MCF2L: variants seen among roughly 807,000 people sequenced by gnomAD.
The protein encoded by MCF2L is MCF.2 cell line derived transforming sequence like.
In MCF2L, 97 loss-of-function variants were observed where a neutral mutation model predicts 153.4. The ratio of observed to expected loss-of-function variants is 0.63; its 90% CI spans 0.54 to 0.75. MCF2L has a LOEUF of 0.75. MCF2L is among the 30% of genes least tolerant of loss of function. MCF2L has a pLI of 0.00. For missense variants in MCF2L, 1,347 were observed against 1,495.2 expected, an observed-to-expected ratio of 0.90 and a Z score of 1.64; for synonymous variants, 659 against 632.2, an observed-to-expected ratio of 1.04 and a Z score of -0.64.
At chr13:112,976,177 TGTGTGTGTGTGTGC>T (rs1201425348) in intron 1 of MCF2L, among the ~76,000 whole-genome samples, 3 of 137,282 alleles carry the variant, frequency 2.2e-5, no homozygotes, top group Non-Finnish European at 4.8e-5. Context: ...TGTGTGTGTA[TGTGTGTGTGTGTGC>T]GTGTGTGTGT....
Position 113,055,385 on chromosome 13 carries a change from CACACACACA to C in MCF2L, c.370-5207_370-5199del, listed in dbSNP as rs1566811496. 1.2e-3 allele frequency among the ~76,000 whole-genome samples: 11 copies of C among 8,930 alleles called. 2 individuals carry two copies. The highest frequency in any genetic ancestry group is 2.8e-3 in the Non-Finnish European group (11 of 3,906). The allele number at this position is 8,930 out of a possible 152,430, so 5.9% of individuals were successfully genotyped here. The stretch of plus-strand genomic sequence containing the variant: ...GAGACGTGGACCCCCCCCCCCGCCA[CACACACACA>C]CACACACACACACACACACACACAC... On this transcript the variant is annotated intron_variant, in intron 4 of 29. Transcript: ENST00000535094.
At chr13:112,989,320 A>T (rs111754252) in intron 1 of MCF2L, among the ~76,000 whole-genome samples, 2 of 54,466 alleles carry the variant, frequency 3.7e-5, no homozygotes, top group South Asian at 5.8e-4. Context: ...AGGGGATGGA[A>T]CTACCACGCC....
intron 2 of MCF2L, among the ~76,000 whole-genome samples, chr13:112,935,026 C>A (rs1219590042): frequency 6.6e-6 from 1 of 152,008 alleles, no homozygotes; most frequent in African/African-American, 2.4e-5. Context: ...GAATTGTGTC[C>A]CCTTAAAATT....
chr13:112,973,176 C>A (rs923555279), intron 1 of MCF2L, among the ~76,000 whole-genome samples: 2 of 152,146 alleles, frequency 1.3e-5, no homozygotes, highest in African/African-American at 2.4e-5. Context: ...CTGACGGACG[C>A]CTTAGCACTC....
intron 1 of MCF2L, among the ~76,000 whole-genome samples, chr13:112,980,874 C>A (rs994819027): frequency 6.6e-6 from 1 of 152,212 alleles, no homozygotes. Context: ...GGGTGTCCAG[C>A]GCTCCATTCA....
chr13:112,931,733 A>G (rs764311197), intron 2 of MCF2L, among the ~76,000 whole-genome samples: 5 of 152,160 alleles, frequency 3.3e-5, no homozygotes, highest in Non-Finnish European at 7.3e-5. Context: ...GGCAGGAAGT[A>G]TGCAAGATGA....
Position 113,045,030 on chromosome 13 carries a change from G to GT in MCF2L, c.279-240dup. The GT allele has an allele frequency of 8.3e-7, 1 of 1,199,594 alleles. No homozygotes were observed. The allele number at this position is 1,199,594 out of a possible 1,614,324, so 74.3% of individuals were successfully genotyped here. On this transcript the variant is annotated intron_variant, in intron 3 of 29. Transcript: ENST00000535094. This position sits in a 1 kb window ranked among gnomAD's most constrained non-coding sequence, Gnocchi z 4.2. The stretch of plus-strand genomic sequence containing the variant: ...CTCAATCTGTGACTCGAGGTGGTTG[G>GT]TGTTAGGCTGAGAAATAAGAACACA...
chr13:113,078,285 C>G, intron 13 of MCF2L, 78 bp from the exon 14 acceptor site: 1 of 1,186,908 alleles, frequency 8.4e-7, no homozygotes. Flanking sequence ...CTCCTCGGGG[C>G]CTTTTCCCGC....
At chr13:113,006,924 C>G (rs2141107309) in intron 1 of MCF2L, among the ~76,000 whole-genome samples, 1 of 152,270 alleles carries the variant, frequency 6.6e-6, no homozygotes, top group African/African-American at 2.4e-5. Flanking sequence ...GCGGGTAGGG[C>G]TGTGACCGGA....
intron 2 of MCF2L, among the ~76,000 whole-genome samples, chr13:112,961,961 G>T (rs991500389): frequency 1.3e-5 from 2 of 152,098 alleles, no homozygotes; most frequent in African/African-American, 4.8e-5. Context: ...CAGCTTCTCC[G>T]TTGCACAGCG....
At chr13:113,018,529 G>A (rs1180425694) in intron 2 of MCF2L, among the ~76,000 whole-genome samples, 1 of 152,198 alleles carries the variant, frequency 6.6e-6, no homozygotes, top group South Asian at 2.1e-4. Flanking sequence ...TGAGGGTTGG[G>A]GGGTGCATGG....
At chr13:112,984,094 C>A (rs2082539294) in intron 1 of MCF2L, among the ~76,000 whole-genome samples, 1 of 152,202 alleles carries the variant, frequency 6.6e-6, no homozygotes, top group Non-Finnish European at 1.5e-5. Flanking sequence ...GGCAGAGATA[C>A]CACCATACTT....
chr13:112,917,465 C>G, intron 2 of MCF2L: 1 of 320,942 alleles, frequency 3.1e-6, no homozygotes, highest in South Asian at 2.6e-5. Context: ...GTCGCGCTGC[C>G]TCTGCGCCTG....
rs551051372 is a variant in MCF2L at position 113,095,911 on chromosome 13, C to T, written c.3076-460C>T. On this transcript the variant is annotated intron_variant, in intron 27 of 29. Coordinates refer to ENST00000535094, the MANE Select transcript of MCF2L (RefSeq NM_001112732.3). The stretch of plus-strand genomic sequence containing the variant: ...CGGGAACAGCACAGACAGGAACCTC[C>T]ACTCTTACAGTGAGGAGAGAAAGAG... The T allele has an allele frequency of 9.9e-4, 595 of 601,962 alleles. 1 individual carries two copies. The highest frequency in any genetic ancestry group is 1.2e-3 in the Admixed American group (24 of 19,738). The allele number at this position is 601,962 out of a possible 1,614,324, so 37.3% of individuals were successfully genotyped here.
At position 113,084,912 on chromosome 13, in the gene MCF2L, T is replaced by G. The variant is rs2281723; in HGVS notation, c.2082T>G (p.Tyr694Ter). 1.1e-4 allele frequency: 171 copies of G among 1,613,050 alleles called. No individual in the cohort carries two copies. The highest frequency in any genetic ancestry group is 1.3e-4 in the Non-Finnish European group (157 of 1,179,150). The change falls in exon 19 of 30, where the codon TAT becomes TAG. Residue 694 changes from tyrosine to a stop codon, truncating the protein, a stop_gained. Transcript: ENST00000535094. LOFTEE classifies it high-confidence loss of function. ...FLERMEDFQI[Y>*]EKYCQNKPRS... ...TGCAGATGGAAGATTTCCAGATCTA[T>G]GAGAAGTACTGTCAGAACAAGCCCC...
intron 5 of MCF2L, among the ~76,000 whole-genome samples, chr13:113,061,330 C>G (rs1469680368): frequency 6.6e-6 from 1 of 152,194 alleles, no homozygotes; most frequent in Admixed American, 6.5e-5. Flanking sequence ...TTCACAAAGT[C>G]CCTTAGAGCC....
chr13:113,034,304 T>C (rs1372547175), intron 3 of MCF2L, among the ~76,000 whole-genome samples: 2 of 151,924 alleles, frequency 1.3e-5, no homozygotes, highest in East Asian at 1.9e-4. Context: ...GCCCGGCTAA[T>C]TTTTGTATTT....
At chr13:113,090,342 T>C in intron 26 of MCF2L, 2 of 985,478 alleles carry the variant, frequency 2.0e-6, no homozygotes, top group Non-Finnish European at 2.4e-6. Context: ...TAGAGGTGGC[T>C]TTCCTTCGGG....
chr13:112,913,080 T>C (rs780528357), intron 2 of MCF2L, among the ~76,000 whole-genome samples: 7 of 147,912 alleles, frequency 4.7e-5, no homozygotes, highest in Non-Finnish European at 9.0e-5. Flanking sequence ...GTCTGTGTGA[T>C]TGTGTGTGTG....
Sources: gnomAD v4.1 joint callset for allele counts (sites outside exome capture counted in the v4.1 genomes callset) on GRCh38, gnomAD v4.1.1 for gene constraint, Gnocchi (gnomAD v3.1) non-coding constraint, MANE v1.5 for transcripts, NCBI Gene and HGNC (gene_info 2026-07-23, HGNC 2026-07-21) for gene names.